The following COL24A1 variants were observed in gnomAD, a reference collection of about 807,000 sequenced individuals.
COL24A1 encodes collagen alpha-1(XXIV) chain.
A neutral mutation model predicts 253.9 loss-of-function variants in COL24A1; 224 were observed. That is an observed-to-expected ratio of 0.88 (90% CI 0.79 to 0.99). The LOEUF (loss-of-function observed/expected upper bound fraction) is 0.99, where lower values mean the gene tolerates loss of function less well. Among genes scored for constraint, COL24A1 ranks in the 50% least tolerant of loss-of-function variants. The pLI is 0.00. For synonymous variants in COL24A1, 685 were observed against 673.7 expected (o/e 1.02, Z -0.26); for missense variants, 2,131 against 2,068.5 (o/e 1.03, Z -0.59).
chr1:86,141,945 C>T (rs543194261), intron 2 of COL24A1, among the ~76,000 whole-genome samples: 2 of 152,096 alleles, frequency 1.3e-5, no homozygotes, highest in South Asian at 4.1e-4. Context: ...ATAATGTACC[C>T]GCCTCAGTCT....
chr1:86,045,573 A>T (rs942637315), intron 12 of COL24A1, among the ~76,000 whole-genome samples: 1 of 152,142 alleles, frequency 6.6e-6, no homozygotes, highest in African/African-American at 2.4e-5. Context: ...AAAAAAAATT[A>T]ACACACCAAT....
intron 52 of COL24A1, among the ~76,000 whole-genome samples, chr1:85,778,031 A>ATCTATCTG (rs1553173113): frequency 6.9e-6 from 1 of 145,112 alleles, no homozygotes; most frequent in Non-Finnish European, 1.5e-5. Context: ...ATCTCTATCT[A>ATCTATCTG]TCTATCTATC....
At chr1:86,104,889 A>G (rs1704810089) in intron 5 of COL24A1, among the ~76,000 whole-genome samples, 1 of 152,202 alleles carries the variant, frequency 6.6e-6, no homozygotes, top group Non-Finnish European at 1.5e-5. Context: ...GCAGGATGCT[A>G]GCGGGTGCTG....
At chr1:85,956,335 G>A (rs1236796005) in intron 24 of COL24A1, among the ~76,000 whole-genome samples, 1 of 152,118 alleles carries the variant, frequency 6.6e-6, no homozygotes, top group Non-Finnish European at 1.5e-5. Context: ...CTCAGAATCA[G>A]TCATGAGAGG....
intron 52 of COL24A1, among the ~76,000 whole-genome samples, chr1:85,776,503 G>GATA (rs10648395): frequency 0.99 from 150,996 of 152,020 alleles, 75,001 homozygotes; most frequent in Middle Eastern, 1. Context: ...TAAAAAATGA[G>GATA]ATACTATTCA....
chr1:85,801,129 A>T (rs1221569381), intron 47 of COL24A1, among the ~76,000 whole-genome samples: 1 of 152,194 alleles, frequency 6.6e-6, no homozygotes, highest in Admixed American at 6.5e-5. Flanking sequence ...CTTACCTATT[A>T]TAATCACTCC....
chr1:85,922,742 G>A (rs1571230186), intron 24 of COL24A1, among the ~76,000 whole-genome samples: 1 of 152,238 alleles, frequency 6.6e-6, no homozygotes, highest in Admixed American at 6.5e-5. Context: ...ATCAATGCTA[G>A]GAAGAAACTG....
chr1:85,995,911 G>C (rs1366058554), intron 19 of COL24A1, among the ~76,000 whole-genome samples: 1 of 152,124 alleles, frequency 6.6e-6, no homozygotes, highest in Admixed American at 6.5e-5. Context: ...GTTTCCTGGG[G>C]CCTCCCCAAC....
chr1:85,737,570 T>C, intron 57 of COL24A1, 65 bp from the exon 58 acceptor site: 1 of 1,175,944 alleles, frequency 8.5e-7, no homozygotes, highest in South Asian at 1.5e-5. Flanking sequence ...TAATTTCTTT[T>C]TTTTTTTTGA....
At chr1:86,126,751 C>T (rs912741567) in intron 2 of COL24A1, among the ~76,000 whole-genome samples, 9 of 152,062 alleles carry the variant, frequency 5.9e-5, no homozygotes, top group East Asian at 1.9e-4. Context: ...TGAACCACCA[C>T]GCCTGATCTC....
At chr1:86,020,671 C>A (rs1250893472) in intron 18 of COL24A1, among the ~76,000 whole-genome samples, 1 of 151,964 alleles carries the variant, frequency 6.6e-6, no homozygotes, top group African/African-American at 2.4e-5. Context: ...TGTATTGTAT[C>A]ATTTCATCCT....
rs971824157 is a variant in COL24A1, at chr1:86,049,174, T to C, written c.1905+950A>G. On this transcript the variant is annotated intron_variant, in intron 11 of 59. Transcript: ENST00000370571. ...TGCTATTGAACAAAACAACTTGCTA[T>C]GTTCACCAGGGGAAAATCTTTACCT... Among the ~76,000 whole-genome samples the C allele has an allele frequency of 2.0e-5, 3 of 152,186 alleles. No homozygotes were observed. The East Asian group carries it at 5.8e-4, about 29-fold the overall frequency.
intron 47 of COL24A1, among the ~76,000 whole-genome samples, chr1:85,789,729 A>G (rs1199875944): frequency 1.3e-5 from 2 of 152,160 alleles, no homozygotes; most frequent in East Asian, 3.8e-4. Context: ...TGTTCTGTCA[A>G]TACCTAGTTT....
intron 24 of COL24A1, among the ~76,000 whole-genome samples, chr1:85,937,145 T>A (rs150105801): frequency 6.8e-6 from 1 of 147,586 alleles, no homozygotes; most frequent in East Asian, 2.1e-4. Context: ...CCAAACTTGG[T>A]TTATGGATAG....
At chr1:85,906,463 C>T (rs1417302066) in intron 28 of COL24A1, among the ~76,000 whole-genome samples, 5 of 151,558 alleles carry the variant, frequency 3.3e-5, no homozygotes, top group African/African-American at 1.2e-4. Flanking sequence ...GAGTCAGACA[C>T]ACTAAGGTTT....
chr1:86,116,175 G>A (rs1706119415), intron 3 of COL24A1, among the ~76,000 whole-genome samples: 1 of 151,740 alleles, frequency 6.6e-6, no homozygotes, highest in Non-Finnish European at 1.5e-5. Flanking sequence ...TCATTCAATT[G>A]TTACTGAGCA....
At chr1:85,804,855 CTT>C (rs1002896976) in intron 47 of COL24A1, among the ~76,000 whole-genome samples, 1 of 143,312 alleles carries the variant, frequency 7.0e-6, no homozygotes. Context: ...GGCAAATACT[CTT>C]TTTTTTTTTT....
intron 2 of COL24A1, among the ~76,000 whole-genome samples, chr1:86,138,656 G>A (rs1219543405): frequency 1.3e-5 from 2 of 152,094 alleles, no homozygotes; most frequent in East Asian, 3.8e-4. Flanking sequence ...ATATGGAACT[G>A]TAAGTCCACT....
At chr1:85,779,501 G>A (rs973232305) in intron 52 of COL24A1, among the ~76,000 whole-genome samples, 1 of 152,048 alleles carries the variant, frequency 6.6e-6, no homozygotes, top group Non-Finnish European at 1.5e-5. Flanking sequence ...GAGACATAGA[G>A]ATATAAGAGA....
Sources: gnomAD v4.1 joint callset for allele counts (sites outside exome capture counted in the v4.1 genomes callset) on GRCh38, gnomAD v4.1.1 for gene constraint, MANE v1.5 for transcripts, NCBI Gene and HGNC (gene_info 2026-07-23, HGNC 2026-07-21) for gene names.